FAM110B: variants seen among roughly 807,000 people sequenced by gnomAD.
FAM110B encodes protein FAM110B.
A neutral mutation model predicts 20.4 loss-of-function variants in FAM110B; 6 were observed. The ratio of observed to expected loss-of-function variants is 0.29; its 90% confidence interval spans 0.16 to 0.58. The LOEUF is 0.58. FAM110B is among the 20% of genes least tolerant of loss of function. FAM110B has a pLI of 0.90. For synonymous variants in FAM110B, 226 were observed against 214.1 expected, an observed-to-expected ratio of 1.06 and a Z score of -0.49; for missense variants, 434 against 498.2, an observed-to-expected ratio of 0.87 and a Z score of 1.23.
At position 58,051,365 on chromosome 8, in the gene FAM110B, AC is replaced by A. The variant is rs200616385; in HGVS notation, c.-414+19663del. The stretch of plus-strand genomic sequence containing the variant: ...GATGGTAAGAGGGGAGAAGCCAGAA[AC>A]AAAAGCCAGCCAGGAATTCAGAAAT... On this transcript the variant is annotated intron_variant, in intron 2 of 3. Transcript: ENST00000519262. 1.3e-3 allele frequency among the ~76,000 whole-genome samples: 204 copies of A among 152,356 alleles called. 4 individuals carry two copies. In the East Asian group the frequency reaches 0.037, roughly 28 times the overall value.
At chr8:58,034,373 C>T (rs1366875978) in intron 2 of FAM110B, among the ~76,000 whole-genome samples, 6 of 152,298 alleles carry the variant, frequency 3.9e-5, no homozygotes, top group African/African-American at 9.6e-5. Flanking sequence ...ACTTATGGGT[C>T]GGAAGGTCTG....
At chr8:58,076,214 C>T (rs1563361002) in intron 3 of FAM110B, among the ~76,000 whole-genome samples, 2 of 152,162 alleles carry the variant, frequency 1.3e-5, no homozygotes, top group South Asian at 2.1e-4. Flanking sequence ...TCCACCTCGC[C>T]GTTGCAAAGT....
chr8:58,001,351 C>T (rs1804290361), intron 1 of FAM110B, among the ~76,000 whole-genome samples: 2 of 149,990 alleles, frequency 1.3e-5, no homozygotes, highest in African/African-American at 5.0e-5. Flanking sequence ...AAGTGCCACA[C>T]TTGTCATGGA....
intron 2 of FAM110B, among the ~76,000 whole-genome samples, chr8:58,053,748 A>G (rs1051895557): frequency 3.9e-5 from 6 of 152,172 alleles, no homozygotes; most frequent in Non-Finnish European, 7.3e-5. Context: ...TTTATTCAAT[A>G]TTTGGCTTAA....
At chr8:58,021,291 CTATTGGGTCACCACTGGTTACTGA>C (rs1420581503) in intron 1 of FAM110B, among the ~76,000 whole-genome samples, 1 of 152,098 alleles carries the variant, frequency 6.6e-6, no homozygotes, top group African/African-American at 2.4e-5. Flanking sequence ...CTGTGCTATT[CTATTGGGTCACCACTGGTTACTGA>C]TACCTGCCAA....
chr8:58,079,944 A>C (rs1167780241), intron 3 of FAM110B, among the ~76,000 whole-genome samples: 1 of 152,220 alleles, frequency 6.6e-6, no homozygotes, highest in Non-Finnish European at 1.5e-5. Context: ...GAGAGGAAGG[A>C]TGGGCTACAG....
In FAM110B at chr8:58,147,234, A is replaced by T; in HGVS notation, c.1004A>T (p.Asn335Ile). The change falls in exon 4 of 4, where the codon AAT (asparagine) becomes ATT (isoleucine). Residue 335 changes from asparagine to isoleucine, a missense_variant. Asn to Ile is a moderately radical substitution (Grantham distance 149, BLOSUM62 -3). Transcript: ENST00000519262. ...GACCTTAGAAATGATGACAGTGCCAATGACCGCGTGCCGTATGGCATTTCT... is the reference window on the plus strand; with the variant it reads ...GACCTTAGAAATGATGACAGTGCCATTGACCGCGTGCCGTATGGCATTTCT... Reference protein sequence around the residue: ...NSDLRNDDSANDRVPYGISAI... With the variant: ...NSDLRNDDSAIDRVPYGISAI... 6.2e-7 allele frequency: 1 copy of T among 1,614,120 alleles called. No homozygotes were observed. The highest frequency in any genetic ancestry group is 1.1e-5 in the South Asian group (1 of 91,082).
chr8:58,037,201 T>C (rs1231144555), intron 2 of FAM110B, among the ~76,000 whole-genome samples: 1 of 152,134 alleles, frequency 6.6e-6, no homozygotes, highest in African/African-American at 2.4e-5. Flanking sequence ...GCATTCTTAT[T>C]GTTACATAGG....
intron 2 of FAM110B, among the ~76,000 whole-genome samples, chr8:58,044,761 C>T (rs993224049): frequency 6.6e-6 from 1 of 152,196 alleles, no homozygotes; most frequent in African/African-American, 2.4e-5. Context: ...CATCAGACTT[C>T]AGGGCATCAT....
intron 3 of FAM110B, among the ~76,000 whole-genome samples, chr8:58,129,236 G>T (rs1459195903): frequency 6.6e-6 from 1 of 152,184 alleles, no homozygotes; most frequent in Non-Finnish European, 1.5e-5. Context: ...ATTACACCCA[G>T]TGGTCTCTGA....
At chr8:58,027,809 G>C (rs528937633) in intron 1 of FAM110B, among the ~76,000 whole-genome samples, 1 of 152,070 alleles carries the variant, frequency 6.6e-6, no homozygotes, top group African/African-American at 2.4e-5. Context: ...GTATTCCTTC[G>C]TGTGGTATAC....
intron 2 of FAM110B, among the ~76,000 whole-genome samples, chr8:58,072,088 A>G (rs1054049767): frequency 6.6e-6 from 1 of 151,978 alleles, no homozygotes; most frequent in Non-Finnish European, 1.5e-5. Flanking sequence ...AGGCTTGGAC[A>G]CTCATTTTGG....
intron 1 of FAM110B, among the ~76,000 whole-genome samples, chr8:58,001,738 GC>G (rs1804301114): frequency 6.6e-6 from 1 of 152,092 alleles, no homozygotes; most frequent in Middle Eastern, 3.2e-3. Context: ...TACGTTTTGT[GC>G]CAGAGATACT....
chr8:58,035,622 G>A lies in FAM110B; in HGVS notation c.-414+3919G>A, dbSNP rs181772257. The stretch of plus-strand genomic sequence containing the variant: ...CCAGGCCTGGCATTAAGCATGCTCA[G>A]TACAGATGGGAACTGAATTGAAAAT... On this transcript the variant is annotated intron_variant, in intron 2 of 3. Coordinates refer to ENST00000519262, the MANE Select transcript of FAM110B (RefSeq NM_001377989.1). Among the ~76,000 whole-genome samples, 339 of 152,302 alleles carry A rather than the reference G, an allele frequency of 2.2e-3. 1 individual carries two copies. The highest frequency in any genetic ancestry group is 4.2e-3 in the Non-Finnish European group (283 of 68,036).
chr8:58,081,386 TG>T (rs935196024), intron 3 of FAM110B, among the ~76,000 whole-genome samples: 6 of 152,214 alleles, frequency 3.9e-5, no homozygotes, highest in African/African-American at 1.4e-4. Flanking sequence ...TTTATATTTT[TG>T]ATAAAGACAG....
intron 3 of FAM110B, among the ~76,000 whole-genome samples, chr8:58,082,555 G>C (rs1563363221): frequency 6.6e-6 from 1 of 152,184 alleles, no homozygotes; most frequent in Non-Finnish European, 1.5e-5. Context: ...GTGAAAATCT[G>C]ATTTAAGTTA....
At chr8:58,091,869 C>A (rs1806488536) in intron 3 of FAM110B, among the ~76,000 whole-genome samples, 1 of 152,184 alleles carries the variant, frequency 6.6e-6, no homozygotes, top group Non-Finnish European at 1.5e-5. Flanking sequence ...ACTTTCCCAG[C>A]CCTCTGGCTA....
chr8:58,146,068 T>G lies in FAM110B; in HGVS notation c.-163T>G, dbSNP rs1585924704. ...AAGTGTATGAAAGCCACCGTGGCGG[T>G]TAATGAGCTGTGAGATGAGGCGCTG... On this transcript the variant is annotated 5_prime_UTR_variant, in exon 4 of 4. Coordinates refer to ENST00000519262, the MANE Select transcript of FAM110B (RefSeq NM_001377989.1). 5.3e-6 allele frequency: 4 copies of G among 750,726 alleles called. No homozygotes were observed. Among genetic ancestry groups the G allele is most frequent in the Non-Finnish European group, 6.2e-6 (3 of 480,068 alleles). 46.5% of individuals were successfully genotyped at this position (750,726 alleles called of 1,614,324 possible). A position where few individuals can be genotyped will look rare whatever the true frequency, so the allele number is the denominator to read the frequency against.
intron 3 of FAM110B, among the ~76,000 whole-genome samples, chr8:58,144,151 C>A (rs1005694725): frequency 6.6e-6 from 1 of 152,172 alleles, no homozygotes; most frequent in African/African-American, 2.4e-5. Context: ...GGTTGCAGAT[C>A]TTGGTCCTGC....
Sources: gnomAD v4.1 joint callset for allele counts (sites outside exome capture counted in the v4.1 genomes callset) on GRCh38, gnomAD v4.1.1 for gene constraint, MANE v1.5 for transcripts, NCBI Gene and HGNC (gene_info 2026-07-23, HGNC 2026-07-21) for gene names.